TAF4: variants seen among roughly 807,000 people sequenced by gnomAD.
The protein encoded by TAF4 is transcription initiation factor TFIID subunit 4.
TAF4 carries 9 observed loss-of-function variants against 90.3 expected under a neutral mutation model. The observed-to-expected ratio is 0.10, with a 90% CI of 0.06 to 0.17. The LOEUF is 0.17. Ranked by LOEUF, TAF4 falls within the 10% of genes least tolerant of loss-of-function variation. TAF4 has a pLI of 1.00. For synonymous variants in TAF4, 818 were observed against 638.9 expected, an observed-to-expected ratio of 1.28 and a Z score of -4.23; for missense variants, 1,351 against 1,370.7, an observed-to-expected ratio of 0.99 and a Z score of 0.23.
rs1330038595 is a variant in TAF4, at chr20:62,012,841, T to C, written c.1615A>G (p.Thr539Ala). ...TGGACGCCGGGCGAGCGCTGCAGGG[T>C]TGCACTGGGCTGCACCGTTGTCTGG... ...QAQTTVQPSA[T>A]LQRSPGVQPQ... The change falls in exon 3 of 15, where the codon ACC becomes GCC. Residue 539 changes from threonine (T) to alanine (A), a missense_variant. This residue lies in a region of TAF4 where 143 missense variants were observed against 176.3 expected (regional missense o/e 0.81). Coordinates refer to ENST00000252996, the MANE Select transcript of TAF4 (RefSeq NM_003185.4). The C allele has an allele frequency of 6.2e-7, 1 of 1,613,776 alleles. No homozygotes were observed. The highest frequency in any genetic ancestry group is 2.2e-5 in the East Asian group (1 of 44,850).
chr20:61,997,511 T>A lies in TAF4; in HGVS notation c.3090+39A>T, dbSNP rs1051230971. 6 of 1,516,802 alleles carry A rather than the reference T, an allele frequency of 4.0e-6. No homozygotes were observed. The East Asian group carries it at 1.5e-4, about 37-fold the overall frequency. The allele number at this position is 1,516,802 out of a possible 1,614,324, so 94.0% of individuals were successfully genotyped here. On this transcript the variant is annotated intron_variant, in intron 14 of 14. Coordinates refer to ENST00000252996, the MANE Select transcript of TAF4 (RefSeq NM_003185.4). ...GAGGGTGGCTCTAAGATGTTCCCCA[T>A]GTTTCCCCCAGGACCTCGATCCCAC...
intron 5 of TAF4, 100 bp downstream of exon 5, chr20:62,008,952 G>A (rs1568930687): frequency 2.0e-6 from 3 of 1,465,528 alleles, no homozygotes; most frequent in South Asian, 1.4e-5. Flanking sequence ...AGCTCTCCCT[G>A]CTGGCACAGG....
intron 1 of TAF4, among the ~76,000 whole-genome samples, chr20:62,037,164 G>C (rs1024709320): frequency 7.4e-6 from 1 of 135,108 alleles, no homozygotes; most frequent in African/African-American, 2.8e-5. Context: ...CATCATGTGC[G>C]TCATGAGAGA....
rs1040529631 is a variant in TAF4, at chr20:62,064,358, G to A, written c.1360+93C>T. ...CCAGCCACGGGCCTACGGGACAGATGACCTTAGCATTCCACCAGCGGAGAA... is the reference window on the plus strand; with the variant it reads ...CCAGCCACGGGCCTACGGGACAGATAACCTTAGCATTCCACCAGCGGAGAA... On this transcript the variant is annotated intron_variant, in intron 1 of 14. Coordinates refer to ENST00000252996, the MANE Select transcript of TAF4 (RefSeq NM_003185.4). The A allele has an allele frequency of 3.3e-5, 41 of 1,244,272 alleles. No individual in the cohort carries two copies. The African/African-American group carries it at 3.4e-4, about 10-fold the overall frequency. 77.1% of individuals were successfully genotyped at this position (1,244,272 alleles called of 1,614,324 possible). A position where few individuals can be genotyped will look rare whatever the true frequency, so the allele number is the denominator to read the frequency against.
chr20:62,039,606 T>G (rs1420532722), intron 1 of TAF4, among the ~76,000 whole-genome samples: 2 of 152,226 alleles, frequency 1.3e-5, no homozygotes, highest in African/African-American at 4.8e-5. Context: ...TACACTGGAT[T>G]TATTTAAGAA....
chr20:62,052,318 T>C (rs2056033611), intron 1 of TAF4, among the ~76,000 whole-genome samples: 1 of 148,238 alleles, frequency 6.7e-6, no homozygotes. Context: ...CTATTGAGCA[T>C]GGCTCCAAGA....
intron 9 of TAF4, 48 bp downstream of exon 9, chr20:62,003,112 T>C: frequency 6.5e-7 from 1 of 1,539,398 alleles, no homozygotes. Context: ...TCTGGACTCT[T>C]CTCCGCTCTG....
intron 1 of TAF4, among the ~76,000 whole-genome samples, chr20:62,044,458 TAACTA>T (rs1250319495): frequency 6.6e-6 from 1 of 152,012 alleles, no homozygotes; most frequent in Non-Finnish European, 1.5e-5. Context: ...AACCAAAACA[TAACTA>T]AATTGTGTAT....
At position 62,065,067 on chromosome 20, in the gene TAF4, CGCGGCG is replaced by C; in HGVS notation, c.738_743del (p.Ala247_Ala248del). On this transcript the variant is annotated inframe_deletion, in exon 1 of 15. Transcript: ENST00000252996. ...GCGAGGGCGCGGCGGGCGCGGGGGG[CGCGGCG>C]GCGCCCACGAAGGGGGGCGTCTGGA... 1.2e-6 allele frequency: 1 copy of C among 852,686 alleles called. No individual in the cohort carries two copies. The highest frequency in any genetic ancestry group is 1.4e-6 in the Non-Finnish European group (1 of 736,218). 52.8% of individuals were successfully genotyped at this position (852,686 alleles called of 1,614,324 possible).
At chr20:61,986,063 C>A (rs1193967339) in intron 14 of TAF4, among the ~76,000 whole-genome samples, 2 of 119,430 alleles carry the variant, frequency 1.7e-5, no homozygotes, top group Middle Eastern at 4.6e-3. Context: ...GAAACACCAT[C>A]CCCAATCAAA....
At chr20:62,003,509 A>C (rs2055721407) in intron 8 of TAF4, among the ~76,000 whole-genome samples, 1 of 152,266 alleles carries the variant, frequency 6.6e-6, no homozygotes, top group Admixed American at 6.5e-5. Flanking sequence ...ATGATTACAG[A>C]TAAAGAAGCT....
chr20:62,004,061 T>G (rs1288969700), intron 7 of TAF4, among the ~76,000 whole-genome samples, 183 bp from the exon 8 acceptor site: 1 of 152,218 alleles, frequency 6.6e-6, no homozygotes, highest in Non-Finnish European at 1.5e-5. Context: ...GGCCATGGAC[T>G]CGGCCAGACC....
rs116945054 is a variant in TAF4 at position 62,015,194 on chromosome 20, C to T, written c.1361-487G>A. Among the ~76,000 whole-genome samples the T allele has an allele frequency of 3.8e-3, 574 of 152,330 alleles. 1 individual carries two copies. The highest frequency in any genetic ancestry group is 0.027 in the East Asian group (139 of 5,162). On this transcript the variant is annotated intron_variant, in intron 1 of 14. Coordinates refer to ENST00000252996, the MANE Select transcript of TAF4 (RefSeq NM_003185.4). ...GACCCAACAGAGGGAGGGTGGGCCA[C>T]GAGGCTCCTCACCAGAACCCTCCTC...
rs548990027 is a variant in TAF4, at chr20:62,027,980, A to T, written c.1361-13273T>A. ...ACCAGTCAGCCAGGCCAGGAGTTGT[A>T]TCATTCTGAATTGCATTTTCCAGGT... On this transcript the variant is annotated intron_variant, in intron 1 of 14. Coordinates refer to ENST00000252996, the MANE Select transcript of TAF4 (RefSeq NM_003185.4). Among the ~76,000 whole-genome samples, 30 of 152,348 alleles carry T rather than the reference A, an allele frequency of 2.0e-4. No individual in the cohort carries two copies. In the East Asian group the frequency reaches 5.4e-3, roughly 27 times the overall value.
chr20:61,997,961 T>C (rs2055673898), intron 13 of TAF4, among the ~76,000 whole-genome samples, 175 bp downstream of exon 13: 1 of 152,244 alleles, frequency 6.6e-6, no homozygotes, highest in South Asian at 2.1e-4. Context: ...GGACACCAAC[T>C]GTTTGCACAG....
intron 14 of TAF4, among the ~76,000 whole-genome samples, chr20:61,993,353 C>T (rs1341971032): frequency 3.3e-5 from 5 of 152,082 alleles, no homozygotes; most frequent in Non-Finnish European, 5.9e-5. Flanking sequence ...CACCAACGCG[C>T]AGGAAGTTCA....
At chr20:61,999,864 G>A (rs1233332161) in intron 11 of TAF4, among the ~76,000 whole-genome samples, 7 of 152,198 alleles carry the variant, frequency 4.6e-5, no homozygotes, top group African/African-American at 1.4e-4. Flanking sequence ...CACAAGAATC[G>A]CTTGAACCCA....
At chr20:62,012,744 G>T in intron 3 of TAF4, 71 bp downstream of exon 3, 1 of 1,482,996 alleles carries the variant, frequency 6.7e-7, no homozygotes, top group Non-Finnish European at 8.9e-7. Flanking sequence ...CCTAAGGCCT[G>T]ATCTCTGCAT....
intron 2 of TAF4, 94 bp from the exon 3 acceptor site, chr20:62,013,028 T>C: frequency 6.5e-7 from 1 of 1,529,304 alleles, no homozygotes; most frequent in Non-Finnish European, 8.8e-7. Flanking sequence ...ATGTAACTAG[T>C]ATATCCAAGT....
Sources: allele counts gnomAD v4.1 joint callset (sites outside exome capture counted in the v4.1 genomes callset), GRCh38; gene constraint gnomAD v4.1.1; regional missense constraint gnomAD v4.1.1; transcripts MANE v1.5; gene names NCBI Gene and HGNC (gene_info 2026-07-23, HGNC 2026-07-21).